CYRIA: variants seen among roughly 807,000 people sequenced by gnomAD.
The protein encoded by CYRIA is CYFIP related Rac1 interactor A.
CYRIA carries 15 observed loss-of-function variants against 43.9 expected under a neutral mutation model. The observed-to-expected ratio is 0.34, with a 90% CI of 0.23 to 0.53. The LOEUF (loss-of-function observed/expected upper bound fraction) is 0.53, where lower values mean the gene tolerates loss of function less well. CYRIA is among the 20% of genes least tolerant of loss of function. The pLI is 0.94. For synonymous variants in CYRIA, 117 were observed against 136.0 expected (o/e 0.86, Z 0.97); for missense variants, 236 against 394.2 (o/e 0.60, Z 3.40).
intron 1 of CYRIA, among the ~76,000 whole-genome samples, chr2:16,655,872 A>G (rs1670097732): frequency 6.6e-6 from 1 of 152,134 alleles, no homozygotes; most frequent in Non-Finnish European, 1.5e-5. Flanking sequence ...TGTGTAGCAT[A>G]AGATTTACAG....
At chr2:16,620,371 T>A (rs149872570) in intron 2 of CYRIA, among the ~76,000 whole-genome samples, 25 of 152,356 alleles carry the variant, frequency 1.6e-4, no homozygotes, top group African/African-American at 6.0e-4. Flanking sequence ...ATCTGTGTAC[T>A]AAGACTGGGC....
intron 1 of CYRIA, among the ~76,000 whole-genome samples, chr2:16,661,735 C>G (rs1407946780): frequency 6.6e-6 from 1 of 152,164 alleles, no homozygotes; most frequent in Non-Finnish European, 1.5e-5. Flanking sequence ...ACTGACACGC[C>G]AGCCAAGGAA....
At chr2:16,584,548 T>G (rs1667658819) in intron 3 of CYRIA, among the ~76,000 whole-genome samples, 1 of 152,200 alleles carries the variant, frequency 6.6e-6, no homozygotes, top group Admixed American at 6.5e-5. Context: ...CTCTCAGGGA[T>G]GTCTGCTATT....
intron 1 of CYRIA, among the ~76,000 whole-genome samples, chr2:16,654,272 C>T (rs1392312373): frequency 1.3e-5 from 2 of 152,172 alleles, no homozygotes; most frequent in East Asian, 3.8e-4. Flanking sequence ...CTTCTTCCAT[C>T]GAATGACACA....
intron 1 of CYRIA, among the ~76,000 whole-genome samples, chr2:16,658,940 G>A (rs1670181406): frequency 6.6e-6 from 1 of 152,186 alleles, no homozygotes; most frequent in Non-Finnish European, 1.5e-5. Flanking sequence ...GATACCACCT[G>A]CCTCAACTGG....
intron 1 of CYRIA, among the ~76,000 whole-genome samples, chr2:16,652,302 A>G (rs935542656): frequency 1.3e-5 from 2 of 152,172 alleles, no homozygotes; most frequent in Non-Finnish European, 2.9e-5. Flanking sequence ...CTAAGTTGCT[A>G]CAAGTTGCTA....
chr2:16,650,731 C>T lies in CYRIA; in HGVS notation c.-167+15049G>A, dbSNP rs1029328332. ...CCCATTACATGCCTGCAACCGGCAC[C>T]GGGAATGGCAACAATCAGAGGGTGT... On this transcript the variant is annotated intron_variant, in intron 1 of 11. Coordinates refer to ENST00000381323, the MANE Select transcript of CYRIA (RefSeq NM_030797.4). This position sits in a 1 kb window ranked among gnomAD's most constrained non-coding sequence, Gnocchi z 4.1. Among the ~76,000 whole-genome samples, 9 of 152,108 alleles carry T rather than the reference C, an allele frequency of 5.9e-5. No homozygotes were observed. The highest frequency in any genetic ancestry group is 1.2e-4 in the African/African-American group (5 of 41,404).
chr2:16,593,718 GTTTT>G (rs572181896), intron 2 of CYRIA, among the ~76,000 whole-genome samples: 41 of 85,838 alleles, frequency 4.8e-4, no homozygotes, highest in African/African-American at 2.0e-3. Context: ...GTGTGTGTGT[GTTTT>G]TTTTTTTTTT....
At chr2:16,587,994 C>T in intron 3 of CYRIA, 56 bp downstream of exon 3, 1 of 1,104,968 alleles carries the variant, frequency 9.1e-7, no homozygotes, top group Non-Finnish European at 1.3e-6. Context: ...ACTTCCTTAT[C>T]AACAATCTAT....
chr2:16,604,241 T>C (rs1354782281), intron 2 of CYRIA, among the ~76,000 whole-genome samples: 3 of 152,210 alleles, frequency 2.0e-5, no homozygotes, highest in African/African-American at 7.2e-5. Flanking sequence ...CTGGATGTGA[T>C]TTTAGGAGGG....
intron 7 of CYRIA, 43 bp from the exon 8 acceptor site, chr2:16,561,320 T>G: frequency 6.7e-7 from 1 of 1,495,432 alleles, no homozygotes; most frequent in Non-Finnish European, 9.3e-7. Context: ...AAAGAGAAAG[T>G]CCAAATCCTC....
intron 2 of CYRIA, among the ~76,000 whole-genome samples, chr2:16,589,032 A>G (rs1241290002): frequency 6.6e-6 from 1 of 152,146 alleles, no homozygotes; most frequent in Non-Finnish European, 1.5e-5. Context: ...TCAGCTCTAG[A>G]CATTAAACTA....
chr2:16,575,958 G>T (rs2103436982), intron 3 of CYRIA, among the ~76,000 whole-genome samples: 1 of 152,262 alleles, frequency 6.6e-6, no homozygotes, highest in Non-Finnish European at 1.5e-5. Context: ...TGCCATCCAG[G>T]TAAGAGACAT....
intron 2 of CYRIA, among the ~76,000 whole-genome samples, chr2:16,618,805 C>T (rs989733087): frequency 1.3e-5 from 2 of 152,176 alleles, no homozygotes; most frequent in African/African-American, 2.4e-5. Flanking sequence ...AAAGATGTAG[C>T]TTTCCGAGGG....
At chr2:16,586,180 AC>A (rs1227614895) in intron 3 of CYRIA, among the ~76,000 whole-genome samples, 1 of 151,726 alleles carries the variant, frequency 6.6e-6, no homozygotes, top group Non-Finnish European at 1.5e-5. Flanking sequence ...GCCTTTATAC[AC>A]CCCCACAGTT....
chr2:16,654,481 A>G (rs1213151001), intron 1 of CYRIA, among the ~76,000 whole-genome samples: 1 of 152,184 alleles, frequency 6.6e-6, no homozygotes, highest in East Asian at 1.9e-4. Context: ...TGGCAGGAAA[A>G]AGGATTTTAT....
intron 3 of CYRIA, among the ~76,000 whole-genome samples, chr2:16,566,681 A>T (rs1438630334): frequency 1.3e-5 from 2 of 152,182 alleles, no homozygotes; most frequent in East Asian, 3.9e-4. Context: ...TCACAGAAGC[A>T]CCCTTGAGCT....
At chr2:16,567,462 A>G (rs1199909683) in intron 3 of CYRIA, among the ~76,000 whole-genome samples, 1 of 152,070 alleles carries the variant, frequency 6.6e-6, no homozygotes, top group African/African-American at 2.4e-5. Context: ...CAGAATTCAC[A>G]AGATAAGTGA....
intron 3 of CYRIA, among the ~76,000 whole-genome samples, chr2:16,567,792 G>A (rs1666994373): frequency 6.6e-6 from 1 of 152,184 alleles, no homozygotes; most frequent in African/African-American, 2.4e-5. Context: ...CAACTAGGAA[G>A]TAAGGAGGTA....
Sources: allele counts gnomAD v4.1 joint callset (sites outside exome capture counted in the v4.1 genomes callset), GRCh38; gene constraint gnomAD v4.1.1; non-coding constraint Gnocchi (gnomAD v3.1); transcripts MANE v1.5; gene names NCBI Gene and HGNC (gene_info 2026-07-23, HGNC 2026-07-21).